CACNA1B: variants seen among roughly 807,000 people sequenced by gnomAD.
CACNA1B encodes calcium voltage-gated channel subunit alpha1 B, also known as voltage-dependent N-type calcium channel subunit alpha-1B.
A neutral mutation model predicts 247.2 loss-of-function variants in CACNA1B; 70 were observed. The observed-to-expected ratio is 0.28, with a 90% CI of 0.23 to 0.35. The LOEUF (loss-of-function observed/expected upper bound fraction) is 0.35, where lower values mean the gene tolerates loss of function less well. Ranked by LOEUF, CACNA1B falls within the 10% of genes least tolerant of loss-of-function variation. CACNA1B has a pLI of 1.00. For missense variants in CACNA1B, 2,367 were observed against 3,197.4 expected (o/e 0.74, Z 6.26); for synonymous variants, 1,231 against 1,294.4 (o/e 0.95, Z 1.05).
intron 20 of CACNA1B, among the ~76,000 whole-genome samples, chr9:138,032,086 CCCTT>C (rs1313774412): frequency 6.6e-6 from 1 of 151,826 alleles, no homozygotes; most frequent in Non-Finnish European, 1.5e-5. Context: ...TCCTTTTTCT[CCCTT>C]CCTGTGGGTT....
At chr9:138,002,957 T>C (rs1025216080) in intron 15 of CACNA1B, among the ~76,000 whole-genome samples, 17 of 151,652 alleles carry the variant, frequency 1.1e-4, no homozygotes, top group Admixed American at 7.2e-4. Flanking sequence ...CCTGCCACCA[T>C]GCCCAGCTAA....
chr9:137,926,556 G>A lies in CACNA1B; in HGVS notation c.966+9125G>A, dbSNP rs116347856. Among the ~76,000 whole-genome samples, 435 of 152,302 alleles carry A rather than the reference G, an allele frequency of 2.9e-3. 3 individuals are homozygous for A. Among genetic ancestry groups the A allele is most frequent in the African/African-American group, 9.8e-3 (407 of 41,558 alleles). ...TCTTTTGGGTATATACCCAGAAGTG[G>A]AATTGAGGGATCATATGATAATTAC... On this transcript the variant is annotated intron_variant, in intron 6 of 46. Coordinates refer to ENST00000371372, the MANE Select transcript of CACNA1B (RefSeq NM_000718.4).
In CACNA1B at chr9:137,880,129, C is replaced by T. The variant is rs1413620435; in HGVS notation, c.390+970C>T. On this transcript the variant is annotated intron_variant, in intron 2 of 46. Transcript: ENST00000371372. The surrounding 1 kb of genome is among the most constrained non-coding windows in gnomAD (Gnocchi z 4.8). Reference sequence around the variant, plus strand: ...AGCTATTCAGACTTTAGCCCTGAAACTGAACTCCCTTTGAACCTGGGCCAC... The same window carrying T: ...AGCTATTCAGACTTTAGCCCTGAAATTGAACTCCCTTTGAACCTGGGCCAC... 6.6e-6 allele frequency among the ~76,000 whole-genome samples: 1 copy of T among 152,246 alleles called. No homozygotes were observed. Among genetic ancestry groups the T allele is most frequent in the Admixed American group, 6.5e-5 (1 of 15,288 alleles).
chr9:137,898,551 G>T (rs1957196704), intron 3 of CACNA1B, among the ~76,000 whole-genome samples: 1 of 151,984 alleles, frequency 6.6e-6, no homozygotes, highest in South Asian at 2.1e-4. Flanking sequence ...TGTTGCTCAG[G>T]CTGGAGTGCA....
chr9:138,106,760 C>T (rs1961441918), intron 39 of CACNA1B, among the ~76,000 whole-genome samples: 1 of 152,204 alleles, frequency 6.6e-6, no homozygotes, highest in African/African-American at 2.4e-5. Flanking sequence ...AAGACTCCGT[C>T]TCGAAAACAA....
Position 137,879,259 on chromosome 9 carries a change from G to A in CACNA1B, c.390+100G>A, listed in dbSNP as rs984981990. ...GAGAACAGCTTCCTCGGGCAGGGTC[G>A]TCTGGGCAGTGCCCCTCGCGTCTGA... is the stretch of plus-strand genomic sequence containing the variant. On this transcript the variant is annotated intron_variant, in intron 2 of 46. Transcript: ENST00000371372. 17 of 743,250 alleles carry A rather than the reference G, an allele frequency of 2.3e-5. 1 individual carries two copies. The highest frequency in any genetic ancestry group is 8.9e-5 in the Admixed American group (4 of 44,884). The allele number at this position is 743,250 out of a possible 1,614,324, so 46.0% of individuals were successfully genotyped here.
intron 15 of CACNA1B, among the ~76,000 whole-genome samples, chr9:138,000,865 T>A (rs947595307): frequency 7.9e-5 from 12 of 152,336 alleles, no homozygotes; most frequent in African/African-American, 2.9e-4. Context: ...ATTAAAAAAA[T>A]CTCTTTTTCC....
At chr9:138,002,780 CTTTTCTTTTCTT>C (rs557142876) in intron 15 of CACNA1B, among the ~76,000 whole-genome samples, 1,644 of 151,136 alleles carry the variant, frequency 0.011, 9 homozygotes, top group Middle Eastern at 0.024. Context: ...CTTCTCTTTT[CTTTTCTTTTCTT>C]TTTTCTTTTC....
chr9:137,929,036 T>A (rs566032892), intron 6 of CACNA1B, among the ~76,000 whole-genome samples: 2 of 152,372 alleles, frequency 1.3e-5, no homozygotes, highest in East Asian at 3.9e-4. Flanking sequence ...TGACTAATGC[T>A]GCTATGAACA....
intron 39 of CACNA1B, 38 bp from the exon 40 acceptor site, chr9:138,112,360 T>G (rs1436245344): frequency 6.7e-7 from 1 of 1,494,254 alleles, no homozygotes; most frequent in Admixed American, 1.7e-5. Context: ...TCCTAACATC[T>G]CTGTCTTTTC....
chr9:137,948,625 A>C (rs1957825953), intron 6 of CACNA1B, among the ~76,000 whole-genome samples: 1 of 150,974 alleles, frequency 6.6e-6, no homozygotes, highest in African/African-American at 2.4e-5. Context: ...ATAAAAAAAA[A>C]ACACTTTGGA....
intron 31 of CACNA1B, among the ~76,000 whole-genome samples, chr9:138,069,229 CT>C (rs1265740527): frequency 6.6e-6 from 1 of 152,082 alleles, no homozygotes; most frequent in African/African-American, 2.4e-5. Flanking sequence ...TGTGAATGCA[CT>C]TTTTTTTCTT....
At chr9:137,938,326 C>T (rs947866456) in intron 6 of CACNA1B, among the ~76,000 whole-genome samples, 1 of 152,114 alleles carries the variant, frequency 6.6e-6, no homozygotes, top group South Asian at 2.1e-4. Context: ...ATAAATCCAA[C>T]AGGATTTATA....
At chr9:138,017,467 G>T (rs944479687) in intron 18 of CACNA1B, among the ~76,000 whole-genome samples, 1 of 152,168 alleles carries the variant, frequency 6.6e-6, no homozygotes, top group Non-Finnish European at 1.5e-5. Context: ...TGTTGTGTCC[G>T]CTCACTCCGG....
intron 39 of CACNA1B, among the ~76,000 whole-genome samples, chr9:138,111,374 A>G (rs890119754): frequency 6.6e-6 from 1 of 152,240 alleles, no homozygotes; most frequent in African/African-American, 2.4e-5. Context: ...CATGCACCAC[A>G]CTGTGTGAAA....
At position 138,084,101 on chromosome 9, in the gene CACNA1B, C is replaced by A. The variant is rs141705988; in HGVS notation, c.5094+5843C>A. Among the ~76,000 whole-genome samples the A allele has an allele frequency of 3.2e-4, 48 of 151,248 alleles. 3 individuals carry two copies. Among genetic ancestry groups the A allele is most frequent in the African/African-American group, 1.0e-3 (42 of 40,924 alleles). On this transcript the variant is annotated intron_variant, in intron 36 of 46. Transcript: ENST00000371372. The stretch of plus-strand genomic sequence containing the variant: ...TAGAATCACAGCTATAATCTCGCCC[C>A]CTGGGCCTGAGCTGCTAGGGAATGG...
At chr9:138,024,484 C>G (rs927194012) in intron 19 of CACNA1B, among the ~76,000 whole-genome samples, 12 of 152,166 alleles carry the variant, frequency 7.9e-5, no homozygotes, top group Non-Finnish European at 1.6e-4. Flanking sequence ...CAGCCCCATC[C>G]CTGCCTTTCG....
intron 31 of CACNA1B, among the ~76,000 whole-genome samples, chr9:138,067,797 A>G (rs1959972230): frequency 6.6e-6 from 1 of 152,236 alleles, no homozygotes; most frequent in African/African-American, 2.4e-5. Flanking sequence ...GGACATGTGC[A>G]TACAACTCAG....
intron 31 of CACNA1B, among the ~76,000 whole-genome samples, chr9:138,060,514 C>T (rs750769206): frequency 2.0e-5 from 3 of 152,288 alleles, no homozygotes; most frequent in African/African-American, 2.4e-5. Context: ...CTGGCAGCAG[C>T]GTAGGTCGCA....
Sources: gnomAD v4.1 joint callset for allele counts (sites outside exome capture counted in the v4.1 genomes callset) on GRCh38, gnomAD v4.1.1 for gene constraint, Gnocchi (gnomAD v3.1) non-coding constraint, MANE v1.5 for transcripts, NCBI Gene and HGNC (gene_info 2026-07-23, HGNC 2026-07-21) for gene names.